The following SND1 variants were observed in gnomAD, a reference collection of about 807,000 sequenced individuals.
SND1 encodes staphylococcal nuclease and tudor domain containing 1.
A neutral mutation model predicts 121.7 loss-of-function variants in SND1; 38 were observed. That is an observed-to-expected ratio of 0.31 (90% CI 0.24 to 0.41). SND1 has a LOEUF of 0.41. Among genes scored for constraint, SND1 ranks in the 10% least tolerant of loss-of-function variants. SND1 has a pLI of 1.00. For missense variants in SND1, 868 were observed against 1,184.6 expected, an observed-to-expected ratio of 0.73 and a Z score of 3.92; for synonymous variants, 401 against 447.4, an observed-to-expected ratio of 0.90 and a Z score of 1.31.
chr7:127,795,217 G>A (rs1390825800), intron 10 of SND1, among the ~76,000 whole-genome samples: 1 of 152,136 alleles, frequency 6.6e-6, no homozygotes, highest in Non-Finnish European at 1.5e-5. Flanking sequence ...CATTTAAACA[G>A]CACCCAAAGA....
intron 10 of SND1, among the ~76,000 whole-genome samples, chr7:127,793,069 A>G (rs956036282): frequency 8.5e-5 from 13 of 152,214 alleles, no homozygotes; most frequent in African/African-American, 3.1e-4. Context: ...AATGGGCATA[A>G]CTACTAGATC....
intron 11 of SND1, among the ~76,000 whole-genome samples, chr7:127,833,348 C>G (rs551618611): frequency 6.6e-6 from 1 of 151,468 alleles, no homozygotes; most frequent in South Asian, 2.1e-4. Flanking sequence ...TCGCCGCAAC[C>G]TCTGCCTCCA....
chr7:127,973,751 G>A (rs964027855), intron 15 of SND1, among the ~76,000 whole-genome samples: 1 of 152,170 alleles, frequency 6.6e-6, no homozygotes, highest in Non-Finnish European at 1.5e-5. Context: ...ATTCTTGAAG[G>A]AGAGACACCA....
chr7:128,031,860 C>CCGGCG (rs1303138354), intron 16 of SND1, among the ~76,000 whole-genome samples: 8 of 150,396 alleles, frequency 5.3e-5, no homozygotes, highest in African/African-American at 1.9e-4. Context: ...GCTTCGGCTC[C>CCGGCG]CGGCGCCCTC....
At chr7:128,026,016 CAA>C (rs61636078) in intron 16 of SND1, among the ~76,000 whole-genome samples, 3 of 140,210 alleles carry the variant, frequency 2.1e-5, no homozygotes, top group Non-Finnish European at 3.2e-5. Context: ...AAATAGCTGT[CAA>C]AAAAAAAAAA....
intron 10 of SND1, among the ~76,000 whole-genome samples, chr7:127,746,988 CGTT>C (rs1420785551): frequency 2.0e-5 from 3 of 152,066 alleles, no homozygotes; most frequent in Non-Finnish European, 2.9e-5. Flanking sequence ...TTGGTTTTCT[CGTT>C]GTTGTTATTG....
intron 12 of SND1, among the ~76,000 whole-genome samples, chr7:127,849,772 C>A (rs1314810665): frequency 1.3e-5 from 2 of 152,138 alleles, no homozygotes; most frequent in Admixed American, 1.3e-4. Flanking sequence ...TTATTTTTCT[C>A]ATATTTTCCT....
intron 11 of SND1, among the ~76,000 whole-genome samples, chr7:127,818,228 A>C (rs1389229638): frequency 6.6e-6 from 1 of 152,060 alleles, no homozygotes; most frequent in Non-Finnish European, 1.5e-5. Context: ...TTGTTTTGCT[A>C]TGTGTGAATT....
chr7:128,086,248 G>A (rs1442616699), intron 20 of SND1, among the ~76,000 whole-genome samples: 1 of 152,206 alleles, frequency 6.6e-6, no homozygotes, highest in African/African-American at 2.4e-5. Context: ...TCTCCGGCTG[G>A]GCCTGGGAGT....
At chr7:127,657,724 C>A (rs1795235953) in intron 1 of SND1, among the ~76,000 whole-genome samples, 1 of 152,124 alleles carries the variant, frequency 6.6e-6, no homozygotes, top group African/African-American at 2.4e-5. Flanking sequence ...TCTCGAACTC[C>A]TGGACTCAAG....
chr7:128,072,160 T>C (rs1045103579), intron 16 of SND1, among the ~76,000 whole-genome samples: 1 of 152,180 alleles, frequency 6.6e-6, no homozygotes, highest in Non-Finnish European at 1.5e-5. Flanking sequence ...GGTCTGAGCA[T>C]TGGCACCTCA....
chr7:128,075,947 G>A (rs751477451), intron 17 of SND1, among the ~76,000 whole-genome samples: 2 of 152,202 alleles, frequency 1.3e-5, no homozygotes, highest in Non-Finnish European at 2.9e-5. Flanking sequence ...GCAGGGAGAG[G>A]GGGGGAGGGG....
chr7:127,837,393 T>TA (rs943035016), intron 11 of SND1, among the ~76,000 whole-genome samples: 2 of 152,174 alleles, frequency 1.3e-5, no homozygotes, highest in African/African-American at 2.4e-5. Context: ...TTGCATTAAA[T>TA]AAAAAATCAT....
chr7:127,778,226 C>T (rs1420959175), intron 10 of SND1, among the ~76,000 whole-genome samples: 2 of 135,510 alleles, frequency 1.5e-5, no homozygotes, highest in Admixed American at 7.2e-5. Context: ...GACGGAGTCT[C>T]GCTCTGTCGC....
chr7:127,802,966 T>A (rs1236848284), intron 10 of SND1, among the ~76,000 whole-genome samples: 3 of 152,232 alleles, frequency 2.0e-5, no homozygotes, highest in East Asian at 3.8e-4. Flanking sequence ...GCTGCCTTGA[T>A]GTAATCTCTT....
intron 10 of SND1, among the ~76,000 whole-genome samples, chr7:127,722,899 C>G (rs896740055): frequency 6.6e-6 from 1 of 152,080 alleles, no homozygotes; most frequent in Non-Finnish European, 1.5e-5. Context: ...CTAGAAATGC[C>G]AAAATAAGGT....
At position 128,087,605 on chromosome 7, in the gene SND1, GAAT is replaced by G. The variant is rs150462289; in HGVS notation, c.2418+555_2418+557del. 7.2e-3 allele frequency among the ~76,000 whole-genome samples: 1,092 copies of G among 152,288 alleles called. 16 individuals are homozygous for G. Among genetic ancestry groups the G allele is most frequent in the African/African-American group, 0.024 (1,005 of 41,556 alleles). The stretch of plus-strand genomic sequence containing the variant: ...TGGATGTGTTGCTGTTGGCCAAGAA[GAAT>G]GAGAAGGAGCGAATTTGGGCAGTGG... On this transcript the variant is annotated intron_variant, in intron 21 of 23. Transcript: ENST00000354725.
intron 16 of SND1, among the ~76,000 whole-genome samples, chr7:128,045,373 C>T (rs1192660500): frequency 6.6e-6 from 1 of 152,138 alleles, no homozygotes; most frequent in Admixed American, 6.5e-5. Flanking sequence ...ATCAGCAGTC[C>T]CTATGGCCTC....
chr7:127,798,558 T>C (rs1333733452), intron 10 of SND1, among the ~76,000 whole-genome samples: 1 of 152,208 alleles, frequency 6.6e-6, no homozygotes, highest in Non-Finnish European at 1.5e-5. Context: ...AATTCTCCCA[T>C]TTTTATTAAC....
Sources: allele counts gnomAD v4.1 joint callset (sites outside exome capture counted in the v4.1 genomes callset), GRCh38; gene constraint gnomAD v4.1.1; transcripts MANE v1.5; gene names NCBI Gene and HGNC (gene_info 2026-07-23, HGNC 2026-07-21).